Variants in MGAM observed in about 807,000 individuals in gnomAD.
The protein encoded by MGAM is maltase-glucoamylase.
MGAM carries 253 observed loss-of-function variants against 358.8 expected under a neutral mutation model. The observed-to-expected ratio is 0.71, with a 90% CI of 0.64 to 0.78. The LOEUF is 0.78. MGAM is among the 30% of genes least tolerant of loss of function. The pLI is 0.00. For missense variants in MGAM, 3,080 were observed against 3,432.6 expected (o/e 0.90, Z 2.57); for synonymous variants, 1,105 against 1,227.1 (o/e 0.90, Z 2.08).
Position 142,078,384 on chromosome 7 carries a change from A to G in MGAM, c.5560A>G (p.Ile1854Val), listed in dbSNP as rs751144722. The G allele has an allele frequency of 2.6e-6, 4 of 1,526,178 alleles. No individual in the cohort carries two copies. In the African/African-American group the frequency reaches 4.0e-5, roughly 15 times the overall value. 94.5% of individuals were successfully genotyped at this position (1,526,178 alleles called of 1,614,324 possible). A position where few individuals can be genotyped will look rare whatever the true frequency, so the allele number is the denominator to read the frequency against. Residue 1854 changes from isoleucine (I) to valine (V), a missense_variant, in exon 48 of 71, where the codon ATA becomes GTA. Transcript: ENST00000475668. ...EAYTVEWSIK[I>V]RDEEKIDCYP... Reference sequence around the variant, plus strand: ...ATACACAGTGGAGTGGAGCATAAAGATAAGGGATGAAGAAAAAATAGACTG... The same window carrying G: ...ATACACAGTGGAGTGGAGCATAAAGGTAAGGGATGAAGAAAAAATAGACTG...
chr7:142,069,949 T>G (rs1813195620), intron 43 of MGAM, among the ~76,000 whole-genome samples: 1 of 145,418 alleles, frequency 6.9e-6, no homozygotes, highest in Non-Finnish European at 1.6e-5. Flanking sequence ...ATCCCAGGAC[T>G]TTGGGAGGCC....
At chr7:141,986,597 G>A (rs1803715103) in intron 2 of MGAM, among the ~76,000 whole-genome samples, 1 of 152,104 alleles carries the variant, frequency 6.6e-6, no homozygotes, top group African/African-American at 2.4e-5. Context: ...TTTTCCCTTG[G>A]GGTAGGGGAC....
intron 21 of MGAM, among the ~76,000 whole-genome samples, 184 bp downstream of exon 21, chr7:142,041,030 T>G (rs1456564362): frequency 6.6e-6 from 1 of 152,166 alleles, no homozygotes; most frequent in Non-Finnish European, 1.5e-5. Flanking sequence ...CCAGGTCAGT[T>G]GATCCCTCTG....
rs1471724251 is a variant in MGAM, at chr7:142,081,515, G to A, written c.6003-527G>A. Among the ~76,000 whole-genome samples, 2 of 145,820 alleles carry A rather than the reference G, an allele frequency of 1.4e-5. 1 individual carries two copies. Among genetic ancestry groups the A allele is most frequent in the Non-Finnish European group, 3.1e-5 (2 of 64,436 alleles). ...CCAGGAGATGAAGCGAAGCTGGCAT[G>A]CTAAAGAAAAGAAGTCTAGTGTGGT... On this transcript the variant is annotated intron_variant, in intron 50 of 70. Transcript: ENST00000475668.
chr7:141,991,586 G>A (rs1210702427), upstream of MGAM, among the ~76,000 whole-genome samples: 3 of 151,888 alleles, frequency 2.0e-5, no homozygotes, highest in Admixed American at 6.6e-5. Flanking sequence ...ATAGGCACGC[G>A]CTACCATGCC....
At chr7:142,022,156 T>C in intron 6 of MGAM, 112 bp from the exon 7 acceptor site, 7 of 1,012,788 alleles carry the variant, frequency 6.9e-6, no homozygotes, top group Non-Finnish European at 1.0e-5. Context: ...CAAATGGGAC[T>C]GAATGAATGG....
At chr7:142,066,056 G>C (rs1812726109) in intron 40 of MGAM, among the ~76,000 whole-genome samples, 2 of 142,104 alleles carry the variant, frequency 1.4e-5, no homozygotes, top group South Asian at 4.6e-4. Context: ...CTCCACCTCT[G>C]GGGCTAAAGC....
intron 3 of MGAM, among the ~76,000 whole-genome samples, chr7:142,016,083 C>T (rs571807126): frequency 2.6e-4 from 40 of 152,204 alleles, no homozygotes; most frequent in South Asian, 2.5e-3. Flanking sequence ...GGATAAGACT[C>T]GGCTGTAGTT....
At chr7:142,038,676 C>G in intron 19 of MGAM, 61 bp downstream of exon 19, 3 of 1,211,958 alleles carry the variant, frequency 2.5e-6, no homozygotes, top group Non-Finnish European at 3.4e-6. Flanking sequence ...GCCCTGCAAA[C>G]TCCTCTCTGC....
chr7:142,057,006 A>T (rs1237838328), intron 30 of MGAM, 64 bp downstream of exon 30: 2 of 1,449,772 alleles, frequency 1.4e-6, no homozygotes, highest in African/African-American at 2.8e-5. Flanking sequence ...CAGAGTCCAC[A>T]TTGATTAGTA....
chr7:142,094,255 C>T (rs1815670061), intron 60 of MGAM, 109 bp from the exon 61 acceptor site: 3 of 1,309,396 alleles, frequency 2.3e-6, no homozygotes. Flanking sequence ...GTGTTCCCTC[C>T]AATCACGCAG....
chr7:142,019,260 G>A lies in MGAM; in HGVS notation c.389G>A (p.Cys130Tyr). The change falls in exon 4 of 71, where the codon TGC becomes TAC. Residue 130 changes from cysteine to tyrosine, a missense_variant. Physicochemically the swap from Cys to Tyr is radical, Grantham distance 194. This residue lies in a region of MGAM where 1,816 missense variants were observed against 1,840.5 expected (regional missense o/e 0.99). Transcript: ENST00000475668. ...NPQGAVSVPW[C>Y]YYSKNHSYHV... ...CAGGGAGCTGTAAGTGTTCCCTGGT[G>A]CTACTATTCCAAGAATCATAGCTAC... 6.2e-7 allele frequency: 1 copy of A among 1,613,640 alleles called. No individual in the cohort carries two copies. Among genetic ancestry groups the A allele is most frequent in the Non-Finnish European group, 8.5e-7 (1 of 1,179,708 alleles).
At chr7:142,083,440 A>G (rs1488926418) in intron 53 of MGAM, 27 bp downstream of exon 53, 1 of 1,469,580 alleles carries the variant, frequency 6.8e-7, no homozygotes, top group Non-Finnish European at 9.4e-7. Context: ...TTGTTTATCA[A>G]GTACTTATAT....
Position 142,050,251 on chromosome 7 carries a change from A to G in MGAM, c.2604A>G (p.Lys868=), listed in dbSNP as rs777465380. The G allele has an allele frequency of 6.2e-7, 1 of 1,613,790 alleles. No homozygotes were observed. The highest frequency in any genetic ancestry group is 8.5e-7 in the Non-Finnish European group (1 of 1,179,772). The change falls in exon 23 of 71, where the codon AAA becomes AAG. Residue 868 remains lysine, a synonymous_variant. Transcript: ENST00000475668. ...CACTTTCAGATACTGTGGCCAATAA[A>G]GTGTATCTTTTATGTGAGTTTTCTG... ...NGETKDTVAN[K]VYLLCEFSVT...
Position 142,076,265 on chromosome 7 carries a change from T to A in MGAM, c.5325+13T>A. 1 of 1,521,112 alleles carries A rather than the reference T, an allele frequency of 6.6e-7. No homozygotes were observed. The highest frequency in any genetic ancestry group is 2.3e-5 in the East Asian group (1 of 43,816). The allele number at this position is 1,521,112 out of a possible 1,614,324, so 94.2% of individuals were successfully genotyped here. A position where few individuals can be genotyped will look rare whatever the true frequency, so the allele number is the denominator to read the frequency against. ...TTCTGTCACTCAAGTGAGTAGCATA[T>A]TTTTATGAATCTTAGGTGTGGGCTT... On this transcript the variant is annotated intron_variant, in intron 46 of 70. Coordinates refer to ENST00000475668, the MANE Select transcript of MGAM (RefSeq NM_001365693.1).
rs1806542509 is a variant in MGAM at position 142,022,349 on chromosome 7, T to C, written c.792T>C (p.Tyr264=). Residue 264 remains tyrosine, a synonymous_variant, in exon 7 of 71, where the codon TAT becomes TAC. Coordinates refer to ENST00000475668, the MANE Select transcript of MGAM (RefSeq NM_001365693.1). ...LSTRLPSTNV[Y]GLGEHVHQQY... is the part of the protein sequence containing the mutation. Reference sequence around the variant, plus strand: ...CTCGACTGCCTAGCACTAACGTGTATGGCCTGGGAGAGCATGTGCACCAGC... The same window carrying C: ...CTCGACTGCCTAGCACTAACGTGTACGGCCTGGGAGAGCATGTGCACCAGC... 1.9e-6 allele frequency: 3 copies of C among 1,613,596 alleles called. No homozygotes were observed. In the South Asian group the frequency reaches 3.3e-5, roughly 18 times the overall value.
chr7:142,095,677 C>T lies in MGAM; in HGVS notation c.7571C>T (p.Thr2524Met), dbSNP rs138571855. 5.5e-4 allele frequency: 884 copies of T among 1,613,998 alleles called. 3 individuals are homozygous for T. In the African/African-American group the frequency reaches 0.01, roughly 18 times the overall value. ...YLYTLMHKAH[T>M]EGVTVVRPLL... ...TATACCTTGATGCATAAGGCCCACA[C>T]GGAGGGCGTCACTGTTGTGCGGCCT... is the stretch of plus-strand genomic sequence containing the variant. The change falls in exon 64 of 71, where the codon ACG becomes ATG. Residue 2524 changes from threonine (T) to methionine (M), a missense_variant. Around this residue, in one of 5 missense-constraint regions of MGAM, gnomAD observed 932 missense variants for 1,198.2 expected, o/e 0.78. Coordinates refer to ENST00000475668, the MANE Select transcript of MGAM (RefSeq NM_001365693.1).
At chr7:142,070,945 G>T (rs1258859689) in intron 43 of MGAM, 49 bp from the exon 44 acceptor site, 2 of 1,550,000 alleles carry the variant, frequency 1.3e-6, no homozygotes, top group South Asian at 1.1e-5. Context: ...ATTGTTCAGG[G>T]AGGGGCCTGT....
Position 142,078,486 on chromosome 7 carries a change from G to T in MGAM, c.5646+16G>T. 1 of 1,529,266 alleles carries T rather than the reference G, an allele frequency of 6.5e-7. No homozygotes were observed. The highest frequency in any genetic ancestry group is 8.9e-7 in the Non-Finnish European group (1 of 1,118,420). 94.7% of individuals were successfully genotyped at this position (1,529,266 alleles called of 1,614,324 possible). ...TATCTGGGAGGTAACCATGCTGATG[G>T]GGTTCATGTGCATGAAAATCTCCAC... On this transcript the variant is annotated intron_variant, in intron 48 of 70. Coordinates refer to ENST00000475668, the MANE Select transcript of MGAM (RefSeq NM_001365693.1).
Sources: gnomAD v4.1 joint callset for allele counts (sites outside exome capture counted in the v4.1 genomes callset) on GRCh38, gnomAD v4.1.1 for gene constraint, gnomAD v4.1.1 regional missense constraint, MANE v1.5 for transcripts, NCBI Gene and HGNC (gene_info 2026-07-23, HGNC 2026-07-21) for gene names.